Variants in CS observed in about 807,000 individuals in gnomAD.
CS encodes the protein citrate synthase, mitochondrial.
CS carries 13 observed loss-of-function variants against 61.4 expected under a neutral mutation model. The ratio of observed to expected loss-of-function variants is 0.21; its 90% CI spans 0.14 to 0.34. The LOEUF (loss-of-function observed/expected upper bound fraction) is 0.34, where lower values mean the gene tolerates loss of function less well. Ranked by LOEUF, CS falls within the 10% of genes least tolerant of loss-of-function variation. CS has a pLI of 1.00. For synonymous variants in CS, 159 were observed against 215.2 expected (o/e 0.74, Z 2.29); for missense variants, 278 against 573.4 (o/e 0.48, Z 5.26).
intron 5 of CS, 99 bp downstream of exon 5, chr12:56,282,761 G>A (rs1309762998): frequency 2.4e-5 from 37 of 1,569,520 alleles, no homozygotes; most frequent in South Asian, 1.7e-4. Context: ...CCTTCACTAC[G>A]CATCTCTATA....
Position 56,272,895 on chromosome 12 carries a change from G to C in CS, c.*189C>G. On this transcript the variant is annotated 3_prime_UTR_variant, in exon 11 of 11. Coordinates refer to ENST00000351328, the MANE Select transcript of CS (RefSeq NM_004077.3). ...GCAACTCATACCAGGCAGGGGAAGG[G>C]AGCTGATTAGGGAAGAAGGGACCAT... 3.6e-6 allele frequency: 2 copies of C among 557,412 alleles called. No homozygotes were observed. The highest frequency in any genetic ancestry group is 2.2e-5 in the South Asian group (1 of 46,288). 34.5% of individuals were successfully genotyped at this position (557,412 alleles called of 1,614,324 possible).
chr12:56,293,737 T>A (rs554089085), intron 1 of CS, among the ~76,000 whole-genome samples: 1 of 152,068 alleles, frequency 6.6e-6, no homozygotes, highest in East Asian at 1.9e-4. Flanking sequence ...TAAAAAAAAT[T>A]AGAAAACAAA....
At chr12:56,291,481 A>C (rs1873124931) in intron 1 of CS, 1 of 181,316 alleles carries the variant, frequency 5.5e-6, no homozygotes, top group African/African-American at 2.4e-5. Flanking sequence ...CCAGCAGAGC[A>C]AATGACTCTA....
intron 7 of CS, chr12:56,275,720 C>T (rs950470549): frequency 2.7e-5 from 13 of 489,904 alleles, no homozygotes; most frequent in Admixed American, 2.5e-4. Flanking sequence ...AAAGAGCGAG[C>T]TCCTGGAAAG....
At chr12:56,280,810 T>C (rs538814229) in intron 6 of CS, among the ~76,000 whole-genome samples, 2 of 152,168 alleles carry the variant, frequency 1.3e-5, no homozygotes, top group Non-Finnish European at 2.9e-5. Flanking sequence ...TACACATTCA[T>C]ACCACCTAAA....
At chr12:56,284,288 C>T (rs773108919) in intron 3 of CS, among the ~76,000 whole-genome samples, 18 of 124,396 alleles carry the variant, frequency 1.4e-4, no homozygotes, top group Non-Finnish European at 2.5e-4. Context: ...CATTGCACTT[C>T]AGCCTGGGTG....
intron 1 of CS, chr12:56,291,246 T>C (rs1039396319): frequency 1.1e-5 from 13 of 1,132,254 alleles, no homozygotes; most frequent in Admixed American, 4.5e-5. Context: ...TTCCTGGGAG[T>C]TGGATCCCAG....
intron 1 of CS, among the ~76,000 whole-genome samples, chr12:56,287,000 C>G (rs1872959079): frequency 6.6e-6 from 1 of 152,176 alleles, no homozygotes; most frequent in Admixed American, 6.6e-5. Flanking sequence ...ATCTCTCCTG[C>G]ACCTGGTCTT....
chr12:56,275,877 G>A (rs1163699818), intron 7 of CS, 119 bp downstream of exon 7: 6 of 881,734 alleles, frequency 6.8e-6, no homozygotes, highest in Admixed American at 4.5e-5. Context: ...TTTATGCCAC[G>A]TTTCTGTCTT....
chr12:56,280,806 T>A (rs1259713192), intron 6 of CS, among the ~76,000 whole-genome samples: 3 of 152,136 alleles, frequency 2.0e-5, no homozygotes, highest in Non-Finnish European at 2.9e-5. Flanking sequence ...AATATACACA[T>A]TCATACCACC....
chr12:56,286,179 CA>C, intron 2 of CS, 156 bp from the exon 3 acceptor site: 1 of 615,008 alleles, frequency 1.6e-6, no homozygotes, highest in Non-Finnish European at 2.9e-6. Context: ...AAGAATTAGG[CA>C]GGGGGAAGAA....
rs1326987316 is a variant in CS at position 56,278,523 on chromosome 12, G to C, written c.589-2328C>G. Among the ~76,000 whole-genome samples the C allele has an allele frequency of 5.3e-5, 8 of 152,028 alleles. 1 individual carries two copies. Among genetic ancestry groups the C allele is most frequent in the African/African-American group, 1.9e-4 (8 of 41,434 alleles). On this transcript the variant is annotated intron_variant, in intron 6 of 10. Transcript: ENST00000351328. ...GGAGGCTGAGGAGCGCGGATCAAGA[G>C]GTCAACAGATCAAGACCATCCTGGC...
intron 6 of CS, among the ~76,000 whole-genome samples, chr12:56,279,205 A>G (rs1417071438): frequency 6.6e-6 from 1 of 152,250 alleles, no homozygotes; most frequent in Non-Finnish European, 1.5e-5. Context: ...CCTTAAGTCA[A>G]TTAGAGGCCT....
chr12:56,293,949 C>G (rs972105490), intron 1 of CS, among the ~76,000 whole-genome samples: 9 of 152,080 alleles, frequency 5.9e-5, no homozygotes, highest in African/African-American at 2.2e-4. Context: ...AACACGAACA[C>G]AAATAGGACA....
At chr12:56,290,989 AAGTC>A (rs1873104370) in intron 1 of CS, among the ~76,000 whole-genome samples, 1 of 152,206 alleles carries the variant, frequency 6.6e-6, no homozygotes, top group Non-Finnish European at 1.5e-5. Flanking sequence ...ACCAAGGACC[AAGTC>A]CTAAATGAAC....
chr12:56,276,780 G>A (rs1872632730), intron 6 of CS, among the ~76,000 whole-genome samples: 1 of 152,196 alleles, frequency 6.6e-6, no homozygotes, highest in Non-Finnish European at 1.5e-5. Flanking sequence ...GACCTCAGGT[G>A]ATCTGCCTGC....
intron 1 of CS, among the ~76,000 whole-genome samples, chr12:56,292,730 C>CAAAAAAAAAAAAAAAAAAAA (rs531365770): frequency 1.8e-5 from 1 of 56,876 alleles, no homozygotes; most frequent in East Asian, 5.5e-4. Flanking sequence ...TAAAAAAATA[C>CAAAAAAAAAAAAAAAAAAAA]AAAAAAAAAA....
intron 1 of CS, 123 bp downstream of exon 1, chr12:56,300,014 ACGCAGGGCTGGCGGCCAGCCAAG>A (rs1873435083): frequency 2.8e-6 from 2 of 716,362 alleles, no homozygotes; most frequent in African/African-American, 3.8e-5. Context: ...CTGTAGCTTC[ACGCAGGGCTGGCGGCCAGCCAAG>A]CGCAGGGCCC....
Position 56,273,209 on chromosome 12 carries a change from C to G in CS, c.1276G>C (p.Val426Leu). ...EMNYYTVLFGVSRALGVLAQL... is the reference protein window; with the variant it reads ...EMNYYTVLFGLSRALGVLAQL... ...GCCAGTACACCCAATGCTCGTGACA[C>G]CCCAAACAGGACCGTGTAGTAATTC... Residue 426 changes from valine (V) to leucine (L), a missense_variant, in exon 11 of 11, where the codon GTG becomes CTG. Physicochemically the swap from Val to Leu is conservative, Grantham distance 32. This residue lies in a region of CS where 223 missense variants were observed against 503.5 expected (regional missense o/e 0.44). Coordinates refer to ENST00000351328, the MANE Select transcript of CS (RefSeq NM_004077.3). 1 of 1,614,092 alleles carries G rather than the reference C, an allele frequency of 6.2e-7. No individual in the cohort carries two copies. The highest frequency in any genetic ancestry group is 1.1e-5 in the South Asian group (1 of 91,078).
Sources: allele counts gnomAD v4.1 joint callset (sites outside exome capture counted in the v4.1 genomes callset), GRCh38; gene constraint gnomAD v4.1.1; regional missense constraint gnomAD v4.1.1; transcripts MANE v1.5; gene names NCBI Gene and HGNC (gene_info 2026-07-23, HGNC 2026-07-21).